NLGN4X: variants seen among roughly 807,000 people sequenced by gnomAD.
NLGN4X encodes the protein neuroligin-4, X-linked.
Under a neutral mutation model 40.3 loss-of-function variants are expected in NLGN4X, and 3 were observed. The observed-to-expected ratio is 0.07, with a 90% confidence interval of 0.03 to 0.19. The LOEUF (loss-of-function observed/expected upper bound fraction) is 0.19. Among genes scored for constraint, NLGN4X ranks in the 10% least tolerant of loss-of-function variants. The pLI, the probability that NLGN4X is intolerant of heterozygous loss-of-function variation, is 1.00. For synonymous variants in NLGN4X, 270 were observed against 306.8 expected (o/e 0.88, Z 1.25); for missense variants, 382 against 708.3 (o/e 0.54, Z 5.23).
chrX:6,196,551 C>CTAAAA (rs1923097866), intron 1 of NLGN4X, among the ~76,000 whole-genome samples: 1 of 23,323 alleles, frequency 4.3e-5, no homozygotes, highest in African/African-American at 1.2e-4. Flanking sequence ...GACTCTGTCT[C>CTAAAA]AAAAAAAAAA....
At chrX:6,225,250 C>T (rs1179683003) in intron 1 of NLGN4X, among the ~76,000 whole-genome samples, 1 of 107,277 alleles carries the variant, frequency 9.3e-6, no homozygotes, top group Non-Finnish European at 1.9e-5. Context: ...TGCCATTAGC[C>T]ATCCCTCCCC....
At chrX:6,184,844 C>T (rs1313422763) in intron 1 of NLGN4X, among the ~76,000 whole-genome samples, 1 of 112,409 alleles carries the variant, frequency 8.9e-6, no homozygotes, top group African/African-American at 3.2e-5. Context: ...GGCTTTGGAC[C>T]AATACACGGG....
intron 3 of NLGN4X, among the ~76,000 whole-genome samples, chrX:5,975,763 TTAAAAAAATAAAA>T (rs974239657): frequency 9.0e-6 from 1 of 110,807 alleles, no homozygotes; most frequent in Non-Finnish European, 1.9e-5. Flanking sequence ...TATTAGAAAA[TTAAAAAAATAAAA>T]TAAAAAAATA....
At chrX:6,208,568 G>A (rs370550702) in intron 1 of NLGN4X, among the ~76,000 whole-genome samples, 3 of 111,791 alleles carry the variant, frequency 2.7e-5, no homozygotes, top group African/African-American at 9.8e-5. Flanking sequence ...CAGTATACAC[G>A]TCGGGGCTAC....
chrX:6,023,223 G>T (rs1453544813), intron 3 of NLGN4X, among the ~76,000 whole-genome samples: 1 of 111,741 alleles, frequency 8.9e-6, no homozygotes, highest in African/African-American at 3.3e-5. Context: ...GAGCTTTGAT[G>T]TGACAAATGC....
intron 3 of NLGN4X, among the ~76,000 whole-genome samples, chrX:6,010,939 T>C (rs1277647453): frequency 9.0e-6 from 1 of 111,627 alleles, no homozygotes; most frequent in Non-Finnish European, 1.9e-5. Context: ...ATAAATGAGC[T>C]CAGGATAAAT....
chrX:6,055,425 T>C (rs189434489), intron 2 of NLGN4X, among the ~76,000 whole-genome samples: 44 of 111,185 alleles, frequency 4.0e-4, no homozygotes, highest in Non-Finnish European at 7.4e-4. Flanking sequence ...AGTCCAGGAG[T>C]TGGAGGCTGT....
chrX:5,956,908 A>G (rs1305742173), intron 3 of NLGN4X, among the ~76,000 whole-genome samples: 1 of 111,370 alleles, frequency 9.0e-6, no homozygotes, highest in Non-Finnish European at 1.9e-5. Context: ...CAATCTGATT[A>G]TTGGCATTTT....
chrX:6,041,646 A>G (rs1244179406), intron 2 of NLGN4X, among the ~76,000 whole-genome samples: 2 of 112,700 alleles, frequency 1.8e-5, no homozygotes, highest in Admixed American at 1.9e-4. Flanking sequence ...GTGTAATATG[A>G]TATCTTGTTA....
At chrX:6,068,046 T>C (rs188182098) in intron 2 of NLGN4X, among the ~76,000 whole-genome samples, 2 of 111,798 alleles carry the variant, frequency 1.8e-5, no homozygotes, top group African/African-American at 6.5e-5. Context: ...CCGTATAGTT[T>C]TAGGTGAGCA....
intron 3 of NLGN4X, among the ~76,000 whole-genome samples, chrX:5,949,006 A>G (rs746439440): frequency 9.0e-6 from 1 of 111,458 alleles, no homozygotes; most frequent in Non-Finnish European, 1.9e-5. Context: ...TGGGGCTTGA[A>G]CACTTTGCAA....
chrX:6,127,053 T>A (rs139956565), intron 2 of NLGN4X, among the ~76,000 whole-genome samples: 1,686 of 111,038 alleles, frequency 0.015, 26 homozygotes, highest in African/African-American at 0.051. Context: ...GGAAGGTAAA[T>A]AAACAGGTTC....
chrX:6,066,403 T>G (rs2037917781), intron 2 of NLGN4X, among the ~76,000 whole-genome samples: 1 of 112,279 alleles, frequency 8.9e-6, no homozygotes, highest in African/African-American at 3.2e-5. Flanking sequence ...GATGCTCTCT[T>G]CTGACTCTTG....
intron 2 of NLGN4X, among the ~76,000 whole-genome samples, chrX:6,090,417 C>T (rs914312797): frequency 1.8e-5 from 2 of 111,215 alleles, no homozygotes; most frequent in South Asian, 7.5e-4. Flanking sequence ...CTTTTGCTCT[C>T]GTTTTAATTT....
intron 3 of NLGN4X, among the ~76,000 whole-genome samples, chrX:5,941,002 C>T (rs770752798): frequency 2.8e-5 from 3 of 108,999 alleles, no homozygotes; most frequent in Non-Finnish European, 3.8e-5. Context: ...ATGGTGTGTG[C>T]CTCTAGTCCC....
intron 2 of NLGN4X, among the ~76,000 whole-genome samples, chrX:6,078,867 C>T (rs1406646424): frequency 9.0e-6 from 1 of 110,954 alleles, no homozygotes; most frequent in East Asian, 2.9e-4. Context: ...GGGGAGGGAC[C>T]TCATGGGGGG....
At chrX:6,167,085 A>G (rs1176327629) in intron 1 of NLGN4X, among the ~76,000 whole-genome samples, 8 of 107,063 alleles carry the variant, frequency 7.5e-5, no homozygotes, top group Non-Finnish European at 1.3e-4. Flanking sequence ...AAAAAAAAAA[A>G]AAAAAAGAAA....
rs1350071886 is a variant in NLGN4X, at chrX:6,108,845, T to TC, written c.472+42149dup. On this transcript the variant is annotated intron_variant, in intron 2 of 5. Transcript: ENST00000381095. ...ACATTGTGCTTCCCCTGGGAAGCCC[T>TC]CCAGGCTGCCTCCAAGATTGGATCA... 3.6e-5 allele frequency among the ~76,000 whole-genome samples: 4 copies of TC among 111,537 alleles called. No individual in the cohort carries two copies. In the East Asian group the frequency reaches 1.1e-3, roughly 32 times the overall value.
At chrX:6,002,925 G>C (rs1055358364) in intron 3 of NLGN4X, among the ~76,000 whole-genome samples, 1 of 111,582 alleles carries the variant, frequency 9.0e-6, no homozygotes, top group East Asian at 2.9e-4. Context: ...CGGGGATGAC[G>C]GGACTCCTGG....
Sources: gnomAD v4.1 joint callset for allele counts (sites outside exome capture counted in the v4.1 genomes callset) on GRCh38, gnomAD v4.1.1 for gene constraint, MANE v1.5 for transcripts, NCBI Gene and HGNC (gene_info 2026-07-23, HGNC 2026-07-21) for gene names.